TENM2: variants seen among roughly 807,000 people sequenced by gnomAD.
TENM2 encodes teneurin transmembrane protein 2, also known as teneurin-2.
In TENM2, 52 loss-of-function variants were observed where a neutral mutation model predicts 245.2. That is an observed-to-expected ratio of 0.21 (90% CI 0.17 to 0.27). The LOEUF is 0.27. TENM2 is among the 10% of genes least tolerant of loss of function. TENM2 has a pLI of 1.00. For missense variants in TENM2, 3,046 were observed against 3,666.8 expected (o/e 0.83, Z 4.37); for synonymous variants, 1,363 against 1,438.9 (o/e 0.95, Z 1.19).
chr5:168,088,660 G>A (rs1283034891), intron 7 of TENM2, among the ~76,000 whole-genome samples: 1 of 152,160 alleles, frequency 6.6e-6, no homozygotes, highest in African/African-American at 2.4e-5. Flanking sequence ...CTGAATGTTA[G>A]GTGTGATTAT....
intron 2 of TENM2, among the ~76,000 whole-genome samples, chr5:167,647,109 G>A (rs1780016580): frequency 6.6e-6 from 1 of 152,164 alleles, no homozygotes; most frequent in East Asian, 1.9e-4. Flanking sequence ...TGCTATGTAA[G>A]GTGGCTTGGA....
chr5:167,151,002 G>T, the TENM2 span, among the ~76,000 whole-genome samples: 1 of 152,172 alleles, frequency 6.6e-6, no homozygotes, highest in African/African-American at 2.4e-5. Flanking sequence ...GGGTATGTCT[G>T]GTGGTTGAGT....
chr5:168,116,224 A>G (rs1450575906), intron 9 of TENM2, among the ~76,000 whole-genome samples: 2 of 152,108 alleles, frequency 1.3e-5, no homozygotes, highest in African/African-American at 4.8e-5. Context: ...ACATTTAGAC[A>G]GTTCGTCTAA....
intron 2 of TENM2, among the ~76,000 whole-genome samples, chr5:167,863,002 T>C (rs1771964125): frequency 6.6e-6 from 1 of 152,224 alleles, no homozygotes. Flanking sequence ...TCTCCAACAT[T>C]GCAATGACTC....
the TENM2 span, among the ~76,000 whole-genome samples, chr5:167,155,895 G>A: frequency 5.3e-5 from 8 of 152,176 alleles, no homozygotes; most frequent in Non-Finnish European, 7.3e-5. Context: ...CTTCTCAGGC[G>A]CGCTCTCTTC....
exon 6 of TENM2, chr5:168,047,515 C>T (rs749872396): frequency 2.1e-5 from 33 of 1,551,572 alleles, no homozygotes; most frequent in South Asian, 2.0e-4. Flanking sequence ...TACCAGGAAA[C>T]GATGATGTGG....
intron 8 of TENM2, among the ~76,000 whole-genome samples, chr5:168,093,142 C>T (rs1313235551): frequency 6.6e-6 from 1 of 152,156 alleles, no homozygotes; most frequent in Non-Finnish European, 1.5e-5. Flanking sequence ...AATCCTTTTC[C>T]CTCTAAACTT....
chr5:167,529,009 A>G (rs1271189196), intron 2 of TENM2, among the ~76,000 whole-genome samples: 2 of 152,192 alleles, frequency 1.3e-5, no homozygotes, highest in African/African-American at 4.8e-5. Context: ...AAAATAGAAA[A>G]TGATTTCTCT....
intron 2 of TENM2, among the ~76,000 whole-genome samples, chr5:167,736,750 C>T (rs940535109): frequency 6.6e-5 from 10 of 151,876 alleles, no homozygotes; most frequent in African/African-American, 1.9e-4. Context: ...AAGGAATCCC[C>T]GAAATGCATA....
chr5:167,613,646 C>A (rs1777609105), intron 2 of TENM2, among the ~76,000 whole-genome samples: 2 of 152,018 alleles, frequency 1.3e-5, no homozygotes, highest in Non-Finnish European at 2.9e-5. Flanking sequence ...TAAATCCAAG[C>A]CCCAGGTCAC....
At chr5:167,990,886 G>A (rs1486616287) in intron 4 of TENM2, among the ~76,000 whole-genome samples, 1 of 152,166 alleles carries the variant, frequency 6.6e-6, no homozygotes, top group Non-Finnish European at 1.5e-5. Context: ...TGTAATGATA[G>A]CAATCCTGCC....
intron 2 of TENM2, among the ~76,000 whole-genome samples, chr5:167,637,520 CAT>C (rs545230444): frequency 7.4e-4 from 112 of 152,302 alleles, no homozygotes; most frequent in African/African-American, 2.6e-3. Flanking sequence ...CACATGCACA[CAT>C]ATGTTTATTG....
intron 2 of TENM2, among the ~76,000 whole-genome samples, chr5:167,811,395 T>A (rs1209319060): frequency 6.6e-6 from 1 of 152,034 alleles, no homozygotes; most frequent in Non-Finnish European, 1.5e-5. Context: ...CTCTCTCTCT[T>A]GCTCCTGACC....
chr5:167,407,363 C>T (rs1762690756), intron 2 of TENM2, among the ~76,000 whole-genome samples: 1 of 152,120 alleles, frequency 6.6e-6, no homozygotes, highest in African/African-American at 2.4e-5. Flanking sequence ...GTTAAAGGAG[C>T]TGAGCTGTGT....
chr5:167,731,687 T>A (rs963544887), intron 2 of TENM2, among the ~76,000 whole-genome samples: 1 of 151,468 alleles, frequency 6.6e-6, no homozygotes, highest in Non-Finnish European at 1.5e-5. Context: ...AAAGCATCAA[T>A]TTCTCAGAGG....
chr5:167,414,924 A>G (rs1763087863), intron 2 of TENM2, among the ~76,000 whole-genome samples: 3 of 152,138 alleles, frequency 2.0e-5, no homozygotes, highest in African/African-American at 2.4e-5. Context: ...CTTGGGAAAT[A>G]TCACCTTGGT....
chr5:167,590,568 A>G (rs956403904), intron 2 of TENM2, among the ~76,000 whole-genome samples: 3 of 151,126 alleles, frequency 2.0e-5, no homozygotes, highest in African/African-American at 4.9e-5. Flanking sequence ...ACTCCTTTTT[A>G]TTTTTTTTCT....
chr5:167,088,878 G>A, the TENM2 span, among the ~76,000 whole-genome samples: 1 of 152,164 alleles, frequency 6.6e-6, no homozygotes, highest in Non-Finnish European at 1.5e-5. Context: ...GAAAAGTCAA[G>A]CAGTTGACTG....
chr5:167,768,176 A>G (rs913914925), intron 2 of TENM2, among the ~76,000 whole-genome samples: 5 of 152,162 alleles, frequency 3.3e-5, no homozygotes, highest in African/African-American at 9.6e-5. Context: ...AATAACCCTC[A>G]ATATGAAACA....
Sources: gnomAD v4.1 joint callset for allele counts (sites outside exome capture counted in the v4.1 genomes callset) on GRCh38, gnomAD v4.1.1 for gene constraint, MANE v1.5 for transcripts, NCBI Gene and HGNC (gene_info 2026-07-23, HGNC 2026-07-21) for gene names.